Variants in SENP8 observed in about 807,000 individuals in gnomAD.
The protein encoded by SENP8 is sentrin-specific protease 8.
In SENP8, 10 loss-of-function variants were observed where a neutral mutation model predicts 14.4. The observed-to-expected ratio is 0.69, with a 90% confidence interval of 0.43 to 1.18. The LOEUF (loss-of-function observed/expected upper bound fraction) is 1.18, where lower values mean the gene tolerates loss of function less well. SENP8 is among the 50% of genes most tolerant of loss of function. The pLI, the probability that SENP8 is intolerant of heterozygous loss-of-function variation, is 0.00. For missense variants in SENP8, 202 were observed against 249.4 expected, an observed-to-expected ratio of 0.81 and a Z score of 1.28; for synonymous variants, 94 against 95.5, an observed-to-expected ratio of 0.98 and a Z score of 0.09.
At chr15:72,136,194 T>TA (rs1413668126) in intron 1 of SENP8, among the ~76,000 whole-genome samples, 1 of 152,252 alleles carries the variant, frequency 6.6e-6, no homozygotes, top group Non-Finnish European at 1.5e-5. Flanking sequence ...CACTATTTGT[T>TA]ATGATGCACC....
chr15:72,120,565 C>CT (rs2081158617), intron 1 of SENP8, among the ~76,000 whole-genome samples: 1 of 152,062 alleles, frequency 6.6e-6, no homozygotes, highest in South Asian at 2.1e-4. Flanking sequence ...CCCAGTGGAC[C>CT]TTGTTGGCAG....
chr15:72,131,316 A>T (rs2081271757), intron 1 of SENP8, among the ~76,000 whole-genome samples: 1 of 152,210 alleles, frequency 6.6e-6, no homozygotes, highest in Admixed American at 6.5e-5. Flanking sequence ...TGAAATTCAT[A>T]GGTTAAGTGA....
upstream of SENP8, chr15:72,116,807 TTCTACACAGAACA>T (rs2080997385): frequency 6.6e-6 from 1 of 151,856 alleles, no homozygotes; most frequent in Admixed American, 6.6e-5. Context: ...ACCTCACACG[TTCTACACAGAACA>T]GACAAGACGA....
chr15:72,139,727 C>T lies in SENP8; in HGVS notation c.104C>T (p.Ala35Val), dbSNP rs144900951. 31 of 1,614,000 alleles carry T rather than the reference C, an allele frequency of 1.9e-5. No individual in the cohort carries two copies. The highest frequency in any genetic ancestry group is 5.3e-5 in the African/African-American group (4 of 74,884). The change falls in exon 2 of 2, where the codon GCG (alanine) becomes GTG (valine). Residue 35 changes from alanine to valine, a missense_variant. Ala to Val is a moderately conservative substitution (Grantham distance 64). Transcript: ENST00000340912. ...SWLNDHIIGF[A>V]FEYFANSQFH... ...CTCAATGACCATATTATTGGGTTTG[C>T]GTTTGAGTACTTTGCCAACAGTCAG...
chr15:72,135,000 A>G, intron 1 of SENP8: 1 of 321,030 alleles, frequency 3.1e-6, no homozygotes, highest in Non-Finnish European at 6.1e-6. Context: ...CCAAAGAGAA[A>G]AGAGCCTGGG....
intron 1 of SENP8, among the ~76,000 whole-genome samples, chr15:72,133,338 T>A (rs1055092511): frequency 6.6e-6 from 1 of 152,258 alleles, no homozygotes; most frequent in Non-Finnish European, 1.5e-5. Flanking sequence ...GAATTCAGTC[T>A]GTCACCACTT....
chr15:72,129,334 G>A (rs1385645903), intron 1 of SENP8, among the ~76,000 whole-genome samples: 1 of 151,902 alleles, frequency 6.6e-6, no homozygotes, highest in African/African-American at 2.4e-5. Flanking sequence ...GTTCAAGACG[G>A]CCTGGGCAGC....
At position 72,140,273 on chromosome 15, in the gene SENP8, A is replaced by G. The variant is rs1219342541; in HGVS notation, c.*11A>G. ...CTTGCTAAAAAGTAGCTATTGAAGT[A>G]TATTTGCGACTTTTGAAGGCTCCTC... On this transcript the variant is annotated 3_prime_UTR_variant, in exon 2 of 2. Coordinates refer to ENST00000340912, the MANE Select transcript of SENP8 (RefSeq NM_145204.4). The G allele has an allele frequency of 1.3e-6, 2 of 1,596,404 alleles. No homozygotes were observed. Among genetic ancestry groups the G allele is most frequent in the South Asian group, 2.2e-5 (2 of 90,214 alleles).
At chr15:72,122,269 C>A (rs907409666) in intron 1 of SENP8, among the ~76,000 whole-genome samples, 1 of 136,146 alleles carries the variant, frequency 7.3e-6, no homozygotes, top group African/African-American at 2.8e-5. Flanking sequence ...TGTCTATATA[C>A]CTGTCTATAC....
At chr15:72,127,281 T>A (rs1313586708) in intron 1 of SENP8, among the ~76,000 whole-genome samples, 1 of 152,138 alleles carries the variant, frequency 6.6e-6, no homozygotes, top group Non-Finnish European at 1.5e-5. Flanking sequence ...TAAAAAACTA[T>A]CACATAGTAA....
chr15:72,124,898 T>G (rs1004455138), intron 1 of SENP8, among the ~76,000 whole-genome samples: 1 of 152,226 alleles, frequency 6.6e-6, no homozygotes, highest in Non-Finnish European at 1.5e-5. Flanking sequence ...ATTATTTTTC[T>G]GTATATTTTT....
Position 72,140,569 on chromosome 15 carries a change from C to G in SENP8, c.*307C>G, listed in dbSNP as rs1354337906. ...TTTCTTATTGGTATATAATTAATTT[C>G]CTTTGGTCTCCCTTATCCACATTGG... On this transcript the variant is annotated 3_prime_UTR_variant, in exon 2 of 2. Transcript: ENST00000340912. 1 of 297,544 alleles carries G rather than the reference C, an allele frequency of 3.4e-6. No individual in the cohort carries two copies. Among genetic ancestry groups the G allele is most frequent in the Non-Finnish European group, 6.6e-6 (1 of 150,512 alleles). 18.4% of individuals were successfully genotyped at this position (297,544 alleles called of 1,614,324 possible).
intron 1 of SENP8, among the ~76,000 whole-genome samples, chr15:72,130,178 G>A (rs1344573350): frequency 1.3e-5 from 2 of 151,982 alleles, no homozygotes; most frequent in Non-Finnish European, 2.9e-5. Flanking sequence ...CAAGAAGAGC[G>A]AAATGCCATC....
upstream of SENP8, chr15:72,116,714 ATAC>A (rs965081149): frequency 5.4e-4 from 82 of 152,380 alleles, no homozygotes; most frequent in African/African-American, 1.9e-3. Flanking sequence ...AGGTGAAGTA[ATAC>A]TACAAGACGA....
intron 1 of SENP8, among the ~76,000 whole-genome samples, chr15:72,124,474 GC>G (rs1292258967): frequency 6.6e-6 from 1 of 152,126 alleles, no homozygotes; most frequent in Admixed American, 6.6e-5. Flanking sequence ...AAATATTTTT[GC>G]CATAAAAAGC....
intron 1 of SENP8, among the ~76,000 whole-genome samples, chr15:72,121,261 C>G (rs2081165050): frequency 6.6e-6 from 1 of 152,088 alleles, no homozygotes; most frequent in Non-Finnish European, 1.5e-5. Context: ...CATTGAATGC[C>G]AGGCTGTAAT....
At chr15:72,132,150 C>T (rs1240536051) in intron 1 of SENP8, among the ~76,000 whole-genome samples, 3 of 152,126 alleles carry the variant, frequency 2.0e-5, no homozygotes, top group Non-Finnish European at 4.4e-5. Flanking sequence ...CTTCCTAGCC[C>T]TAAAACATAG....
intron 1 of SENP8, chr15:72,118,680 A>T (rs185109447): frequency 6.6e-6 from 1 of 151,992 alleles, no homozygotes; most frequent in East Asian, 1.9e-4. Flanking sequence ...CATTTCTCAG[A>T]CTTTTCACTG....
chr15:72,133,807 T>C (rs2081300002), intron 1 of SENP8, among the ~76,000 whole-genome samples: 1 of 152,114 alleles, frequency 6.6e-6, no homozygotes, highest in Admixed American at 6.6e-5. Context: ...TCACTCTATA[T>C]TGCCACCCCC....
Sources: allele counts gnomAD v4.1 joint callset (sites outside exome capture counted in the v4.1 genomes callset), GRCh38; gene constraint gnomAD v4.1.1; transcripts MANE v1.5; gene names NCBI Gene and HGNC (gene_info 2026-07-23, HGNC 2026-07-21).